NEMP1: variants seen among roughly 807,000 people sequenced by gnomAD.
NEMP1 encodes the protein transmembrane protein 194.
A neutral mutation model predicts 53.7 loss-of-function variants in NEMP1; 29 were observed. The observed-to-expected ratio is 0.54, with a 90% confidence interval of 0.40 to 0.74. The LOEUF (loss-of-function observed/expected upper bound fraction) is 0.74. NEMP1 is among the 30% of genes least tolerant of loss of function. The pLI is 0.00. For missense variants in NEMP1, 477 were observed against 528.6 expected, an observed-to-expected ratio of 0.90 and a Z score of 0.96; for synonymous variants, 193 against 192.9, an observed-to-expected ratio of 1.00 and a Z score of 0.00.
upstream of NEMP1, among the ~76,000 whole-genome samples, chr12:57,081,414 C>A (rs1005946317): frequency 6.6e-6 from 1 of 151,810 alleles, no homozygotes; most frequent in African/African-American, 2.4e-5. Flanking sequence ...CAGCTAATTT[C>A]ATATTTTTAG....
chr12:57,080,053 A>C (rs1404525335), upstream of NEMP1, among the ~76,000 whole-genome samples: 1 of 152,194 alleles, frequency 6.6e-6, no homozygotes, highest in Non-Finnish European at 1.5e-5. Context: ...TCGAACTCCC[A>C]GGATCAAATG....
At position 57,057,444 on chromosome 12, in the gene NEMP1, G is replaced by C. The variant is rs1428298397; in HGVS notation, c.*2435C>G. On this transcript the variant is annotated 3_prime_UTR_variant, in exon 9 of 9. Transcript: ENST00000300128. ...GCCAGCAAACTAAGTGGCCAAGAGG[G>C]AGACAAGAGCAGCTCCTAAAGAAGG... 6.6e-6 allele frequency: 1 copy of C among 152,328 alleles called. No homozygotes were observed. The highest frequency in any genetic ancestry group is 1.5e-5 in the Non-Finnish European group (1 of 68,110). 9.4% of individuals were successfully genotyped at this position (152,328 alleles called of 1,614,324 possible).
chr12:57,062,831 G>A (rs990458044), intron 7 of NEMP1, among the ~76,000 whole-genome samples: 21 of 152,032 alleles, frequency 1.4e-4, no homozygotes, highest in Non-Finnish European at 2.9e-4. Context: ...GCGACAGAGC[G>A]AGACTCCATC....
upstream of NEMP1, among the ~76,000 whole-genome samples, chr12:57,082,293 A>C (rs562434419): frequency 2.4e-4 from 36 of 152,354 alleles, no homozygotes; most frequent in Admixed American, 1.2e-3. Context: ...TAATGTTTCA[A>C]TACTGTTTCA....
chr12:57,075,787 C>T (rs1300021098), intron 1 of NEMP1, among the ~76,000 whole-genome samples: 2 of 151,190 alleles, frequency 1.3e-5, no homozygotes, highest in African/African-American at 4.9e-5. Context: ...GCCAACATGG[C>T]GAAATCCCAC....
intron 7 of NEMP1, among the ~76,000 whole-genome samples, chr12:57,061,639 GC>G (rs1432416775): frequency 7.0e-6 from 1 of 143,834 alleles, no homozygotes; most frequent in African/African-American, 2.5e-5. Context: ...GTTGCAGTGA[GC>G]CGAGATCATG....
intron 1 of NEMP1, among the ~76,000 whole-genome samples, chr12:57,074,972 C>A (rs1034398855): frequency 2.0e-5 from 3 of 152,088 alleles, no homozygotes; most frequent in African/African-American, 7.2e-5. Flanking sequence ...CACCTGTAAT[C>A]GCAGCTTCTT....
intron 7 of NEMP1, 105 bp downstream of exon 7, chr12:57,062,998 GTACAATACAATGACTT>G: frequency 1.4e-6 from 1 of 719,586 alleles, no homozygotes. Flanking sequence ...AAAAGTGGAA[GTACAATACAATGACTT>G]TTCATTAACA....
chr12:57,072,012 A>G (rs1279212012), intron 2 of NEMP1, among the ~76,000 whole-genome samples: 1 of 152,248 alleles, frequency 6.6e-6, no homozygotes, highest in Admixed American at 6.5e-5. Flanking sequence ...AATGAGACCA[A>G]AGTAATTCTT....
At chr12:57,087,468 C>A (rs2033041988) in intron 1 of NEMP1, among the ~76,000 whole-genome samples, 1 of 152,022 alleles carries the variant, frequency 6.6e-6, no homozygotes, top group Admixed American at 6.5e-5. Flanking sequence ...GGGTCGCCCA[C>A]ACCCCGTACG....
Position 57,083,899 on chromosome 12 carries a change from G to A in NEMP1, n.113+4052C>T, listed in dbSNP as rs539306304. Among the ~76,000 whole-genome samples, 22 of 152,162 alleles carry A rather than the reference G, an allele frequency of 1.4e-4. No homozygotes were observed. The South Asian group carries it at 3.7e-3, about 26-fold the overall frequency. Reference sequence around the variant, plus strand: ...AGCGATTCTCATGCCTCCACCTCCCGAGTAGCTGGGATTACAGGCGCCCGC... The same window carrying A: ...AGCGATTCTCATGCCTCCACCTCCCAAGTAGCTGGGATTACAGGCGCCCGC... On this transcript the variant is annotated intron_variant and non_coding_transcript_variant, in intron 1 of 2. Coordinates refer to the NEMP1 transcript ENST00000553654.
At chr12:57,066,750 G>A (rs1036254319) in intron 4 of NEMP1, among the ~76,000 whole-genome samples, 6 of 152,024 alleles carry the variant, frequency 3.9e-5, no homozygotes, top group African/African-American at 7.3e-5. Flanking sequence ...TCATTCCCAC[G>A]TGTTGTAGGA....
At chr12:57,070,232 G>A (rs1420410460) in intron 3 of NEMP1, among the ~76,000 whole-genome samples, 2 of 150,078 alleles carry the variant, frequency 1.3e-5, no homozygotes, top group African/African-American at 4.9e-5. Context: ...CTTTTTACTT[G>A]TGAATGATTT....
chr12:57,080,586 A>AG (rs1423786592), upstream of NEMP1, among the ~76,000 whole-genome samples: 1 of 11,936 alleles, frequency 8.4e-5, no homozygotes, highest in African/African-American at 5.2e-4. Context: ...CTCAAAAGAG[A>AG]AAAAAAAAAA....
intron 1 of NEMP1, among the ~76,000 whole-genome samples, chr12:57,078,096 T>C (rs1433115114): frequency 1.3e-5 from 2 of 151,808 alleles, no homozygotes; most frequent in Non-Finnish European, 1.5e-5. Context: ...CCGGGGGCGG[T>C]AAGGAATCAA....
chr12:57,060,883 C>G lies in NEMP1; in HGVS notation c.1043G>C (p.Arg348Pro), dbSNP rs760233253. ...TCGGGTTTCTACCTCTCCTTGTATCCGATATTCTTCTTCTGTCAGGAGACG... is the reference window on the plus strand; with the variant it reads ...TCGGGTTTCTACCTCTCCTTGTATCGGATATTCTTCTTCTGTCAGGAGACG... ...PPRLLTEEEY[R>P]IQGEVETRKA... is the part of the protein sequence containing the mutation. The change falls in exon 8 of 9, where the codon CGG becomes CCG. Residue 348 changes from arginine to proline, a missense_variant. By Grantham distance (103) the Arg-to-Pro change is moderately radical (BLOSUM62 -2). Transcript: ENST00000300128. 1.2e-6 allele frequency: 2 copies of G among 1,614,104 alleles called. No homozygotes were observed. Among genetic ancestry groups the G allele is most frequent in the Non-Finnish European group, 1.7e-6 (2 of 1,180,002 alleles).
In NEMP1 at chr12:57,078,686, C is replaced by G. The variant is rs981287054; in HGVS notation, c.60G>C (p.Ser20=). 1.9e-5 allele frequency: 30 copies of G among 1,613,516 alleles called. No homozygotes were observed. Among genetic ancestry groups the G allele is most frequent in the African/African-American group, 1.1e-4 (8 of 74,918 alleles). ...GCACTGTCCCACCGCCCCCGACTCC[C>G]GAGCCCCAGGGCCCGGGACCAACTG... is the stretch of plus-strand genomic sequence containing the variant. ...SPAVGPGPWG[S]GVGGGGTVRL... is the part of the protein sequence containing the mutation. Residue 20 remains serine (S), a synonymous_variant, in exon 1 of 9, where the codon TCG becomes TCC. Transcript: ENST00000300128.
Position 57,055,958 on chromosome 12 carries a change from A to G in NEMP1, c.*3921T>C, listed in dbSNP as rs1274662373. The G allele has an allele frequency of 6.6e-6, 1 of 152,266 alleles. No individual in the cohort carries two copies. The highest frequency in any genetic ancestry group is 1.5e-5 in the Non-Finnish European group (1 of 68,048). 9.4% of individuals were successfully genotyped at this position (152,266 alleles called of 1,614,324 possible). Reference sequence around the variant, plus strand: ...GGCTGTAACAGTTTCTAATATTCACATTATGAACTATTTGTTATGTTGTCA... The same window carrying G: ...GGCTGTAACAGTTTCTAATATTCACGTTATGAACTATTTGTTATGTTGTCA... On this transcript the variant is annotated 3_prime_UTR_variant, in exon 9 of 9. Transcript: ENST00000300128.
intron 4 of NEMP1, among the ~76,000 whole-genome samples, chr12:57,065,699 C>T (rs944596713): frequency 2.0e-5 from 3 of 151,708 alleles, no homozygotes; most frequent in African/African-American, 7.3e-5. Context: ...AGGGTTTCAC[C>T]ATGTTGCTCA....
Sources: allele counts gnomAD v4.1 joint callset (sites outside exome capture counted in the v4.1 genomes callset), GRCh38; gene constraint gnomAD v4.1.1; transcripts MANE v1.5; gene names NCBI Gene and HGNC (gene_info 2026-07-23, HGNC 2026-07-21).